The following LDB2 variants were observed in gnomAD, a reference collection of about 807,000 sequenced individuals.
LDB2 encodes LIM domain-binding protein 2.
In LDB2, 12 loss-of-function variants were observed where a neutral mutation model predicts 44.3. The observed-to-expected ratio is 0.27, with a 90% CI of 0.17 to 0.44. The LOEUF is 0.44. Ranked by LOEUF, LDB2 falls within the 20% of genes least tolerant of loss-of-function variation. The probability of loss-of-function intolerance (pLI) is 1.00; values close to 1 mark genes in which losing one functional copy is unlikely to be tolerated. For synonymous variants in LDB2, 164 were observed against 174.8 expected, an observed-to-expected ratio of 0.94 and a Z score of 0.49; for missense variants, 344 against 473.5, an observed-to-expected ratio of 0.73 and a Z score of 2.54.
At chr4:16,719,781 ATTAT>A (rs1267038074) in intron 2 of LDB2, among the ~76,000 whole-genome samples, 4 of 152,026 alleles carry the variant, frequency 2.6e-5, no homozygotes, top group Non-Finnish European at 5.9e-5. Context: ...ATAATTATGC[ATTAT>A]TTGTTATCAT....
At chr4:16,519,426 C>T (rs1560343028) in intron 5 of LDB2, among the ~76,000 whole-genome samples, 1 of 151,984 alleles carries the variant, frequency 6.6e-6, no homozygotes, top group Non-Finnish European at 1.5e-5. Context: ...GACTTCAACC[C>T]TGTACTATTA....
intron 2 of LDB2, among the ~76,000 whole-genome samples, chr4:16,678,936 A>T (rs1432316324): frequency 6.6e-6 from 1 of 152,190 alleles, no homozygotes; most frequent in East Asian, 1.9e-4. Flanking sequence ...AAATATAGGG[A>T]TGAAGGGTGA....
At chr4:16,691,744 C>A (rs1560897143) in intron 2 of LDB2, among the ~76,000 whole-genome samples, 1 of 152,136 alleles carries the variant, frequency 6.6e-6, no homozygotes, top group Non-Finnish European at 1.5e-5. Context: ...CTGATTCTAC[C>A]ATTTTCTCAC....
chr4:16,680,671 T>G (rs957643721), intron 2 of LDB2, among the ~76,000 whole-genome samples: 1 of 152,232 alleles, frequency 6.6e-6, no homozygotes, highest in East Asian at 1.9e-4. Flanking sequence ...AGTCCTGGTC[T>G]GTCCAACTCC....
At chr4:16,592,198 AC>A (rs977206004) in intron 3 of LDB2, among the ~76,000 whole-genome samples, 48 of 152,158 alleles carry the variant, frequency 3.2e-4, no homozygotes, top group African/African-American at 1.1e-3. Context: ...TCTCAAACTA[AC>A]CAGTAGCTTT....
intron 5 of LDB2, chr4:16,581,514 A>G (rs190674763): frequency 2.6e-6 from 2 of 754,966 alleles, no homozygotes; most frequent in African/African-American, 1.9e-5. Context: ...CCTAAAACAA[A>G]CTTGAAACTT....
At chr4:16,788,230 T>G (rs557212311) in intron 1 of LDB2, among the ~76,000 whole-genome samples, 1 of 152,224 alleles carries the variant, frequency 6.6e-6, no homozygotes, top group African/African-American at 2.4e-5. Flanking sequence ...GACCATTCTA[T>G]TAACAGGAGC....
intron 1 of LDB2, among the ~76,000 whole-genome samples, chr4:16,854,504 TACACACACACACAC>T (rs61445499): frequency 6.9e-6 from 1 of 145,214 alleles, no homozygotes; most frequent in African/African-American, 2.6e-5. Context: ...TAAATATAAA[TACACACACACACAC>T]ACACACACAC....
At chr4:16,733,992 G>A (rs1761316566) in intron 2 of LDB2, among the ~76,000 whole-genome samples, 1 of 152,190 alleles carries the variant, frequency 6.6e-6, no homozygotes, top group Admixed American at 6.5e-5. Flanking sequence ...GAGGCAGCCT[G>A]ACATAGGGAA....
In LDB2 at chr4:16,865,028, T is replaced by A. The variant is rs182957515; in HGVS notation, c.132+33326A>T. ...CGGGAGGCCGAAGTGGGCAGATCAC[T>A]TGAGGTCAGGAGTTAAGAGACCTAC... On this transcript the variant is annotated intron_variant, in intron 1 of 7. Coordinates refer to ENST00000304523, the MANE Select transcript of LDB2 (RefSeq NM_001290.5). Among the ~76,000 whole-genome samples, 462 of 151,718 alleles carry A rather than the reference T, an allele frequency of 3.0e-3. 1 individual carries two copies. Among genetic ancestry groups the A allele is most frequent in the Non-Finnish European group, 5.2e-3 (354 of 67,854 alleles).
intron 2 of LDB2, among the ~76,000 whole-genome samples, chr4:16,596,595 C>T (rs899925047): frequency 6.6e-6 from 1 of 152,148 alleles, no homozygotes; most frequent in African/African-American, 2.4e-5. Flanking sequence ...TTCCCATCTC[C>T]ATATACAAAG....
At chr4:16,589,753 C>G (rs1185746477) in intron 3 of LDB2, among the ~76,000 whole-genome samples, 1 of 152,080 alleles carries the variant, frequency 6.6e-6, no homozygotes, top group Non-Finnish European at 1.5e-5. Context: ...AGTTACAACT[C>G]ATTAATCAGA....
chr4:16,548,906 G>C (rs1322717038), intron 5 of LDB2, among the ~76,000 whole-genome samples: 1 of 152,186 alleles, frequency 6.6e-6, no homozygotes, highest in African/African-American at 2.4e-5. Flanking sequence ...AGAAGGAATA[G>C]GATTTCTAGA....
At chr4:16,789,889 G>A (rs1466782653) in intron 1 of LDB2, among the ~76,000 whole-genome samples, 6 of 152,156 alleles carry the variant, frequency 3.9e-5, no homozygotes, top group South Asian at 2.1e-4. Context: ...CAGAGATAGC[G>A]CCACTGCACT....
intron 1 of LDB2, among the ~76,000 whole-genome samples, chr4:16,859,511 C>A (rs1418091909): frequency 6.6e-6 from 1 of 152,206 alleles, no homozygotes; most frequent in East Asian, 1.9e-4. Flanking sequence ...TAGGAGCAAA[C>A]CTTCACAACC....
intron 1 of LDB2, among the ~76,000 whole-genome samples, chr4:16,794,013 C>A (rs1324685182): frequency 6.6e-6 from 1 of 152,176 alleles, no homozygotes; most frequent in East Asian, 1.9e-4. Flanking sequence ...AGCCATACTG[C>A]CTCTTTCAGT....
chr4:16,506,021 C>T (rs56328578), intron 7 of LDB2: 78,739 of 1,543,780 alleles, frequency 0.051, 2,490 homozygotes, highest in African/African-American at 0.12. Flanking sequence ...AGGATTAAAC[C>T]CTAGCCCTCG....
chr4:16,881,321 T>C (rs1720029186), intron 1 of LDB2, among the ~76,000 whole-genome samples: 1 of 152,188 alleles, frequency 6.6e-6, no homozygotes. Flanking sequence ...TTATCTTATC[T>C]GAAAAATGGA....
At chr4:16,816,677 C>G (rs1477705324) in intron 1 of LDB2, among the ~76,000 whole-genome samples, 1 of 152,114 alleles carries the variant, frequency 6.6e-6, no homozygotes, top group African/African-American at 2.4e-5. Context: ...TCCCAAAGTG[C>G]TGGGATTACA....
Sources: gnomAD v4.1 joint callset for allele counts (sites outside exome capture counted in the v4.1 genomes callset) on GRCh38, gnomAD v4.1.1 for gene constraint, MANE v1.5 for transcripts, NCBI Gene and HGNC (gene_info 2026-07-23, HGNC 2026-07-21) for gene names.